CSMD1: variants seen among roughly 807,000 people sequenced by gnomAD.
The protein encoded by CSMD1 is CUB and Sushi multiple domains 1, also known as CUB and sushi domain-containing protein 1.
A neutral mutation model predicts 417.5 loss-of-function variants in CSMD1; 213 were observed. That is an observed-to-expected ratio of 0.51 (90% CI 0.46 to 0.57). CSMD1 has a LOEUF of 0.57. Among genes scored for constraint, CSMD1 ranks in the 20% least tolerant of loss-of-function variants. The pLI is 0.00. For synonymous variants in CSMD1, 2,862 were observed against 1,736.8 expected, an observed-to-expected ratio of 1.65 and a Z score of -16.11; for missense variants, 6,923 against 4,529.7, an observed-to-expected ratio of 1.53 and a Z score of -15.17.
chr8:4,944,523 G>C (rs575006972), intron 1 of CSMD1, among the ~76,000 whole-genome samples: 1 of 152,280 alleles, frequency 6.6e-6, no homozygotes, highest in East Asian at 1.9e-4. Context: ...CAGAGACTCA[G>C]ACTCAGAGGC....
At chr8:4,185,391 A>C (rs568024781) in intron 3 of CSMD1, among the ~76,000 whole-genome samples, 22 of 152,222 alleles carry the variant, frequency 1.4e-4, no homozygotes, top group Non-Finnish European at 2.6e-4. Context: ...TAAAGTACCC[A>C]GAATAGTACC....
At chr8:3,967,658 A>G (rs563511717) in intron 5 of CSMD1, among the ~76,000 whole-genome samples, 3 of 152,232 alleles carry the variant, frequency 2.0e-5, no homozygotes, top group South Asian at 2.1e-4. Context: ...CCTGCCTACA[A>G]TTGTCCTTGT....
At chr8:4,432,409 T>C (rs899070159) in intron 2 of CSMD1, among the ~76,000 whole-genome samples, 1 of 152,162 alleles carries the variant, frequency 6.6e-6, no homozygotes, top group Admixed American at 6.5e-5. Context: ...TCATGTTATG[T>C]TGATTTCCTA....
intron 1 of CSMD1, among the ~76,000 whole-genome samples, chr8:4,668,461 ATTATTT>A (rs979408943): frequency 1.9e-4 from 27 of 142,250 alleles, no homozygotes; most frequent in Non-Finnish European, 3.7e-4. Context: ...TATTATTATT[ATTATTT>A]GAGATGGAGT....
chr8:4,820,291 G>C (rs777525053), intron 1 of CSMD1, among the ~76,000 whole-genome samples: 1 of 152,158 alleles, frequency 6.6e-6, no homozygotes, highest in Non-Finnish European at 1.5e-5. Flanking sequence ...ACACAGGGCT[G>C]GGCACAGTTA....
At chr8:3,137,266 G>A (rs934713279) in intron 41 of CSMD1, among the ~76,000 whole-genome samples, 1 of 152,194 alleles carries the variant, frequency 6.6e-6, no homozygotes, top group Non-Finnish European at 1.5e-5. Flanking sequence ...AATGCGTAGG[G>A]ACTAAAAATT....
chr8:3,379,716 C>T (rs572795472), intron 18 of CSMD1, among the ~76,000 whole-genome samples: 31 of 152,158 alleles, frequency 2.0e-4, no homozygotes, highest in African/African-American at 7.5e-4. Flanking sequence ...TGAAACTGGA[C>T]CCCTTCCTTA....
At chr8:4,623,728 C>T (rs2725020) in intron 2 of CSMD1, among the ~76,000 whole-genome samples, 71,553 of 151,818 alleles carry the variant, frequency 0.47, 17,492 homozygotes, top group East Asian at 0.64. Flanking sequence ...TAGGCATATA[C>T]AGATGTGTGT....
At chr8:3,595,807 C>A (rs550373510) in intron 8 of CSMD1, among the ~76,000 whole-genome samples, 2 of 152,324 alleles carry the variant, frequency 1.3e-5, no homozygotes, top group South Asian at 4.1e-4. Context: ...ATTAAATCCT[C>A]ACGTTCACCC....
intron 5 of CSMD1, among the ~76,000 whole-genome samples, chr8:3,808,988 G>C (rs746476210): frequency 6.6e-6 from 1 of 152,252 alleles, no homozygotes; most frequent in East Asian, 1.9e-4. Context: ...AAACAGGTTT[G>C]AGTCAACATG....
At chr8:4,298,425 T>C (rs981489537) in intron 3 of CSMD1, among the ~76,000 whole-genome samples, 6 of 152,252 alleles carry the variant, frequency 3.9e-5, no homozygotes, top group South Asian at 2.1e-4. Context: ...TAGACTGTTA[T>C]ACAAAGTTGT....
chr8:4,046,670 T>G (rs3849818), intron 3 of CSMD1, among the ~76,000 whole-genome samples: 54,339 of 151,822 alleles, frequency 0.36, 11,083 homozygotes, highest in East Asian at 0.67. Flanking sequence ...ACACTGGGAA[T>G]GTTTATTTCC....
chr8:3,533,176 A>G (rs1798051394), intron 10 of CSMD1, among the ~76,000 whole-genome samples: 1 of 152,216 alleles, frequency 6.6e-6, no homozygotes, highest in South Asian at 2.1e-4. Flanking sequence ...TGTGCCAAAA[A>G]TTGTACACAA....
intron 2 of CSMD1, among the ~76,000 whole-genome samples, chr8:4,522,754 C>A (rs1444550311): frequency 6.6e-6 from 1 of 152,158 alleles, no homozygotes; most frequent in Non-Finnish European, 1.5e-5. Flanking sequence ...GAGTTGGACT[C>A]CATCCTTCAT....
intron 5 of CSMD1, among the ~76,000 whole-genome samples, chr8:3,875,207 A>C (rs1805736091): frequency 1.3e-5 from 2 of 152,176 alleles, no homozygotes. Context: ...CAGTGAGGCC[A>C]TTCGGGAGCC....
intron 3 of CSMD1, among the ~76,000 whole-genome samples, chr8:4,416,317 T>A (rs1197010799): frequency 6.6e-6 from 1 of 152,102 alleles, no homozygotes; most frequent in Non-Finnish European, 1.5e-5. Context: ...GTTTTACTTA[T>A]AAAATGAACT....
chr8:4,924,992 AAT>A (rs2117161904), intron 1 of CSMD1, among the ~76,000 whole-genome samples: 1 of 152,170 alleles, frequency 6.6e-6, no homozygotes, highest in East Asian at 1.9e-4. Flanking sequence ...ACATTGCATA[AAT>A]ACCTCCAATA....
rs577375022 is a variant in CSMD1, at chr8:3,617,289, G to A, written c.1010-492C>T. ...TATCATTGAACTAAAACCCATAATG[G>A]TTTCTTTGTTCAAATGCACTGATTT... On this transcript the variant is annotated intron_variant, in intron 7 of 69. Coordinates refer to ENST00000635120, the MANE Select transcript of CSMD1 (RefSeq NM_033225.6). 2.0e-5 allele frequency among the ~76,000 whole-genome samples: 3 copies of A among 152,204 alleles called. No individual in the cohort carries two copies. In the South Asian group the frequency reaches 6.2e-4, roughly 32 times the overall value.
chr8:4,925,055 A>G (rs1262539932), intron 1 of CSMD1, among the ~76,000 whole-genome samples: 1 of 152,084 alleles, frequency 6.6e-6, no homozygotes, highest in East Asian at 1.9e-4. Context: ...CATACCTTAA[A>G]TAGTTTGGGT....
Sources: allele counts gnomAD v4.1 joint callset (sites outside exome capture counted in the v4.1 genomes callset), GRCh38; gene constraint gnomAD v4.1.1; transcripts MANE v1.5; gene names NCBI Gene and HGNC (gene_info 2026-07-23, HGNC 2026-07-21).